ERC2: variants seen among roughly 807,000 people sequenced by gnomAD.
ERC2 encodes ELKS/RAB6-interacting/CAST family member 2, also known as ERC protein 2.
A neutral mutation model predicts 114.8 loss-of-function variants in ERC2; 42 were observed. The observed-to-expected ratio is 0.37, with a 90% CI of 0.29 to 0.47. ERC2 has a LOEUF of 0.47. ERC2 is among the 20% of genes least tolerant of loss of function. ERC2 has a pLI of 0.99. For missense variants in ERC2, 939 were observed against 1,150.7 expected, an observed-to-expected ratio of 0.82 and a Z score of 2.66; for synonymous variants, 454 against 425.5, an observed-to-expected ratio of 1.07 and a Z score of -0.82.
At chr3:56,399,439 C>T (rs1279202901) in intron 2 of ERC2, among the ~76,000 whole-genome samples, 2 of 152,126 alleles carry the variant, frequency 1.3e-5, no homozygotes, top group African/African-American at 2.4e-5. Flanking sequence ...ATGTCAATGT[C>T]GGCATGGGGA....
intron 2 of ERC2, among the ~76,000 whole-genome samples, chr3:56,417,617 A>T (rs114291783): frequency 6.6e-6 from 1 of 152,332 alleles, no homozygotes; most frequent in East Asian, 1.9e-4. Context: ...CTATTACCAC[A>T]TCTATTTTAC....
At chr3:56,345,652 G>A (rs1298450586) in intron 2 of ERC2, among the ~76,000 whole-genome samples, 4 of 152,204 alleles carry the variant, frequency 2.6e-5, no homozygotes, top group Non-Finnish European at 5.9e-5. Context: ...AAAGAAAAGT[G>A]CGCAGAAACT....
intron 3 of ERC2, among the ~76,000 whole-genome samples, chr3:56,177,869 T>C (rs964552462): frequency 6.6e-6 from 1 of 152,182 alleles, no homozygotes; most frequent in Non-Finnish European, 1.5e-5. Context: ...GACCTCTAGC[T>C]GGTATTTCTA....
chr3:56,309,726 T>G (rs958187067), intron 2 of ERC2, among the ~76,000 whole-genome samples: 1 of 152,214 alleles, frequency 6.6e-6, no homozygotes, highest in African/African-American at 2.4e-5. Context: ...AGATGCTTAC[T>G]GAGTGAGCAA....
intron 14 of ERC2, among the ~76,000 whole-genome samples, chr3:55,796,908 C>A (rs2070552617): frequency 6.6e-6 from 1 of 152,080 alleles, no homozygotes; most frequent in African/African-American, 2.4e-5. Context: ...AAACAACAAC[C>A]AAAAGGGGAA....
At chr3:55,664,177 C>A (rs1559468514) in intron 17 of ERC2, among the ~76,000 whole-genome samples, 1 of 152,022 alleles carries the variant, frequency 6.6e-6, no homozygotes, top group African/African-American at 2.4e-5. Flanking sequence ...AATCTGATAA[C>A]CCTACCTGGG....
At chr3:55,811,970 T>C (rs1206993689) in intron 14 of ERC2, among the ~76,000 whole-genome samples, 2 of 152,184 alleles carry the variant, frequency 1.3e-5, no homozygotes, top group African/African-American at 4.8e-5. Context: ...CACCTAGGTA[T>C]TCAGCTCCAC....
chr3:55,542,688 C>T (rs1575526717), intron 17 of ERC2, among the ~76,000 whole-genome samples: 1 of 152,144 alleles, frequency 6.6e-6, no homozygotes, highest in East Asian at 1.9e-4. Context: ...CAGATTATTT[C>T]CCCTTTCTCC....
At chr3:56,438,396 G>A (rs141200696) in intron 1 of ERC2, among the ~76,000 whole-genome samples, 1 of 152,072 alleles carries the variant, frequency 6.6e-6, no homozygotes, top group East Asian at 1.9e-4. Flanking sequence ...GTTGGTCAAG[G>A]AGATGGATTT....
chr3:55,670,242 G>A (rs930723821), intron 17 of ERC2, among the ~76,000 whole-genome samples: 1 of 152,176 alleles, frequency 6.6e-6, no homozygotes, highest in Non-Finnish European at 1.5e-5. Context: ...TACCCCATGA[G>A]ATCCTATATG....
At chr3:56,216,001 A>G (rs2049443366) in intron 3 of ERC2, among the ~76,000 whole-genome samples, 3 of 152,146 alleles carry the variant, frequency 2.0e-5, no homozygotes, top group South Asian at 4.2e-4. Context: ...GCAGTGTGTA[A>G]AGGGAAATTT....
intron 17 of ERC2, among the ~76,000 whole-genome samples, chr3:55,636,885 T>C (rs1038542818): frequency 6.6e-6 from 1 of 152,230 alleles, no homozygotes; most frequent in African/African-American, 2.4e-5. Context: ...TCATGACTTA[T>C]AAGCCTAGTG....
intron 14 of ERC2, among the ~76,000 whole-genome samples, chr3:55,831,113 C>T (rs1575751945): frequency 6.7e-6 from 1 of 149,448 alleles, no homozygotes; most frequent in African/African-American, 2.5e-5. Flanking sequence ...TCAAGACCAG[C>T]CTAGGCAACA....
At chr3:55,515,850 CT>C (rs1444881676) in intron 17 of ERC2, among the ~76,000 whole-genome samples, 1 of 152,090 alleles carries the variant, frequency 6.6e-6, no homozygotes, top group Admixed American at 6.5e-5. Context: ...CCGATTATGG[CT>C]TTCTTCTCCT....
At chr3:56,201,923 G>C (rs1253255544) in intron 3 of ERC2, among the ~76,000 whole-genome samples, 2 of 152,130 alleles carry the variant, frequency 1.3e-5, no homozygotes, top group Non-Finnish European at 2.9e-5. Context: ...TTTCAGAAAG[G>C]ATGCTTTATT....
At chr3:55,609,742 G>A (rs1283358422) in intron 17 of ERC2, among the ~76,000 whole-genome samples, 1 of 152,042 alleles carries the variant, frequency 6.6e-6, no homozygotes, top group Non-Finnish European at 1.5e-5. Flanking sequence ...GTTATTTAAA[G>A]AACATACCAT....
intron 2 of ERC2, among the ~76,000 whole-genome samples, chr3:56,427,845 C>G (rs1285640174): frequency 6.6e-6 from 1 of 152,178 alleles, no homozygotes; most frequent in African/African-American, 2.4e-5. Context: ...CTGTTCACAT[C>G]ACTCAGACTC....
At chr3:56,207,560 C>T (rs987638584) in intron 3 of ERC2, among the ~76,000 whole-genome samples, 1 of 152,084 alleles carries the variant, frequency 6.6e-6, no homozygotes, top group Admixed American at 6.6e-5. Context: ...TTAAAATATT[C>T]CATCTCACAG....
At chr3:56,259,759 C>A (rs1270440452) in intron 3 of ERC2, among the ~76,000 whole-genome samples, 1 of 152,076 alleles carries the variant, frequency 6.6e-6, no homozygotes, top group Non-Finnish European at 1.5e-5. Context: ...TGCCCAGAAG[C>A]CTTGCTTTTT....
Sources: gnomAD v4.1 joint callset for allele counts (sites outside exome capture counted in the v4.1 genomes callset) on GRCh38, gnomAD v4.1.1 for gene constraint, MANE v1.5 for transcripts, NCBI Gene and HGNC (gene_info 2026-07-23, HGNC 2026-07-21) for gene names.